Variants in TAOK2 observed in about 807,000 individuals in gnomAD.
The protein encoded by TAOK2 is serine/threonine-protein kinase TAO2.
A neutral mutation model predicts 122.5 loss-of-function variants in TAOK2; 42 were observed. The ratio of observed to expected loss-of-function variants is 0.34; its 90% CI spans 0.27 to 0.44. TAOK2 has a LOEUF of 0.44. Ranked by LOEUF, TAOK2 falls within the 20% of genes least tolerant of loss-of-function variation. The pLI, the probability that TAOK2 is intolerant of heterozygous loss-of-function variation, is 1.00. For missense variants in TAOK2, 1,264 were observed against 1,644.9 expected (o/e 0.77, Z 4.01); for synonymous variants, 704 against 677.6 (o/e 1.04, Z -0.61).
downstream of TAOK2, chr16:29,990,740 G>A (rs771591115): frequency 9.6e-6 from 15 of 1,556,296 alleles, no homozygotes; most frequent in Middle Eastern, 1.7e-4. Context: ...GGATAGTGGG[G>A]GTGGGGGAGG....
intron 10 of TAOK2, 62 bp downstream of exon 10, chr16:29,982,002 C>G: frequency 7.0e-7 from 1 of 1,426,650 alleles, no homozygotes; most frequent in Non-Finnish European, 9.7e-7. Context: ...ACAAGAACCC[C>G]CAGGGAAATT....
intron 13 of TAOK2, 25 bp downstream of exon 13, chr16:29,983,689 C>T: frequency 6.3e-7 from 1 of 1,587,110 alleles, no homozygotes; most frequent in Non-Finnish European, 8.6e-7. Context: ...CCTCACTCAG[C>T]CTGCTCGCTG....
In TAOK2 at chr16:29,986,006, C is replaced by T. The variant is rs2069778461; in HGVS notation, c.1992+145C>T. 3 of 1,142,020 alleles carry T rather than the reference C, an allele frequency of 2.6e-6. No individual in the cohort carries two copies. The highest frequency in any genetic ancestry group is 3.7e-6 in the Non-Finnish European group (3 of 811,582). 70.7% of individuals were successfully genotyped at this position (1,142,020 alleles called of 1,614,324 possible). On this transcript the variant is annotated intron_variant, in intron 15 of 15. Coordinates refer to ENST00000308893, the MANE Select transcript of TAOK2 (RefSeq NM_016151.4). This position sits in a 1 kb window ranked among gnomAD's most constrained non-coding sequence, Gnocchi z 4.2. ...TTGCTTCAGTGCCCCTTTTACTTCT[C>T]ATCCCCAACAGACCCTGCCAGAATT...
chr16:29,983,067 C>G lies in TAOK2; in HGVS notation c.1000-5C>G. ...CCTGTCCAGCAGCCTACGCCCTGTT[C>G]GCAGGAGGCCGAGCCCTACATGCAC... On this transcript the variant is annotated splice_region_variant and splice_polypyrimidine_tract_variant and intron_variant, in intron 11 of 15. Coordinates refer to ENST00000308893, the MANE Select transcript of TAOK2 (RefSeq NM_016151.4). 3.1e-6 allele frequency: 5 copies of G among 1,613,840 alleles called. No individual in the cohort carries two copies. The highest frequency in any genetic ancestry group is 4.2e-6 in the Non-Finnish European group (5 of 1,179,994).
intron 1 of TAOK2, among the ~76,000 whole-genome samples, chr16:29,977,141 A>G (rs574565902): frequency 8.3e-4 from 127 of 152,262 alleles, no homozygotes; most frequent in Non-Finnish European, 1.9e-4. Context: ...GCCAGATGCC[A>G]TTTATATCCC....
chr16:29,976,676 T>G (rs2069464963), intron 1 of TAOK2, among the ~76,000 whole-genome samples: 1 of 152,194 alleles, frequency 6.6e-6, no homozygotes, highest in Non-Finnish European at 1.5e-5. Context: ...TCCCAATGGC[T>G]GGAGTGGTCA....
chr16:29,984,165 G>A (rs1260110828), intron 13 of TAOK2, among the ~76,000 whole-genome samples: 3 of 152,192 alleles, frequency 2.0e-5, no homozygotes, highest in Non-Finnish European at 4.4e-5. Context: ...TCTCATGCCA[G>A]CAGTTAGCTC....
rs770293795 is a variant in TAOK2, at chr16:29,987,929, C to T, written c.3657C>T (p.Ala1219=). The T allele has an allele frequency of 4.5e-6, 7 of 1,546,950 alleles. No homozygotes were observed. Among genetic ancestry groups the T allele is most frequent in the Non-Finnish European group, 5.2e-6 (6 of 1,151,928 alleles). The change falls in exon 16 of 16, where the codon GCC becomes GCT. Residue 1219 remains alanine (A), a synonymous_variant. Coordinates refer to ENST00000308893, the MANE Select transcript of TAOK2 (RefSeq NM_016151.4). ...ASRQPLPGTL[A]GRRSRTRQSR... Reference sequence around the variant, plus strand: ...GCCAGCCACTGCCAGGGACTCTAGCCGGGCGGAGGTCACGCACCCGCCAGT... The same window carrying T: ...GCCAGCCACTGCCAGGGACTCTAGCTGGGCGGAGGTCACGCACCCGCCAGT...
At chr16:29,982,059 C>A in intron 10 of TAOK2, 119 bp downstream of exon 10, 2 of 794,248 alleles carry the variant, frequency 2.5e-6, no homozygotes, top group Non-Finnish European at 2.1e-6. Context: ...TGATGAATTC[C>A]CACCCCATCC....
At position 29,982,847 on chromosome 16, in the gene TAOK2, C is replaced by T. The variant is rs370365042; in HGVS notation, c.945C>T (p.Ile315=). 6.2e-7 allele frequency: 1 copy of T among 1,614,106 alleles called. No homozygotes were observed. ...DNLQYRKMKK[I]LFQEAPNGPG... ...TGCAGTACCGCAAGATGAAGAAGAT[C>T]CTGTTCCAAGAGGCACCCAACGGCC... The change falls in exon 11 of 16, where the codon ATC becomes ATT. Residue 315 remains isoleucine, a synonymous_variant. Transcript: ENST00000308893.
At position 29,987,621 on chromosome 16, in the gene TAOK2, A is replaced by T; in HGVS notation, c.3349A>T (p.Lys1117Ter). Residue 1117 changes from lysine to a stop codon, truncating the protein, a stop_gained, in exon 16 of 16, where the codon AAA becomes TAA. Transcript: ENST00000308893. LOFTEE classifies it high-confidence loss of function. ...GDRGLFALYP[K>*]TNKDGFRSRL... ...CCGGGGTCTGTTTGCACTGTACCCC[A>T]AAACCAACAAGGATGGCTTCCGCAG... The T allele has an allele frequency of 6.2e-7, 1 of 1,613,026 alleles. No homozygotes were observed. Among genetic ancestry groups the T allele is most frequent in the Non-Finnish European group, 8.5e-7 (1 of 1,179,322 alleles).
rs749733211 is a variant in TAOK2, at chr16:29,987,037, C to G, written c.2765C>G (p.Pro922Arg). 1 of 1,611,890 alleles carries G rather than the reference C, an allele frequency of 6.2e-7. No individual in the cohort carries two copies. The highest frequency in any genetic ancestry group is 1.3e-5 in the African/African-American group (1 of 74,884). The change falls in exon 16 of 16, where the codon CCT (proline) becomes CGT (arginine). Residue 922 changes from proline to arginine, a missense_variant. Pro to Arg is a moderately radical substitution (Grantham distance 103, BLOSUM62 -2). This residue lies in a region of TAOK2 where 824 missense variants were observed against 908.7 expected (regional missense o/e 0.91). Coordinates refer to ENST00000308893, the MANE Select transcript of TAOK2 (RefSeq NM_016151.4). ...GTPRDPGDGCPSPDIPPEPPP... is the reference protein window; with the variant it reads ...GTPRDPGDGCRSPDIPPEPPP... ...CCTAGGGATCCTGGAGATGGTTGTC[C>G]TTCCCCCGACATCCCTCCTGAACCC...
downstream of TAOK2, chr16:29,991,018 G>C: frequency 6.3e-7 from 1 of 1,582,484 alleles, no homozygotes; most frequent in Middle Eastern, 1.7e-4. The surrounding 1 kb of genome is among the most constrained non-coding windows in gnomAD (Gnocchi z 5.6). Flanking sequence ...TCCTGCCCCC[G>C]ACTCTAACCT....
chr16:29,991,268 G>A, downstream of TAOK2: 1 of 1,612,048 alleles, frequency 6.2e-7, no homozygotes, highest in South Asian at 1.1e-5. The surrounding 1 kb of genome is among the most constrained non-coding windows in gnomAD (Gnocchi z 5.6). Context: ...CCCGTTCTGG[G>A]GCACACTGGA....
downstream of TAOK2, chr16:29,991,485 G>T (rs1411820748): frequency 6.8e-7 from 1 of 1,480,866 alleles, no homozygotes; most frequent in East Asian, 2.5e-5. The surrounding 1 kb of genome is among the most constrained non-coding windows in gnomAD (Gnocchi z 5.6). Flanking sequence ...GGGCCCCCCT[G>T]CTGCCGCGGT....
At chr16:29,975,279 C>T (rs540153858) in intron 1 of TAOK2, among the ~76,000 whole-genome samples, 2 of 152,330 alleles carry the variant, frequency 1.3e-5, no homozygotes, top group African/African-American at 4.8e-5. Flanking sequence ...CATGTGACAT[C>T]CCCGCATTCA....
In TAOK2 at chr16:29,988,222, G is replaced by C; in HGVS notation, c.*242G>C. Reference sequence around the variant, plus strand: ...TTATTGCTGTTCGCCCGCTGTGTGTGCTCATCCTCACCCTCATTGACTCAG... The same window carrying C: ...TTATTGCTGTTCGCCCGCTGTGTGTCCTCATCCTCACCCTCATTGACTCAG... On this transcript the variant is annotated 3_prime_UTR_variant, in exon 16 of 16. Coordinates refer to ENST00000308893, the MANE Select transcript of TAOK2 (RefSeq NM_016151.4). The C allele has an allele frequency of 7.0e-7, 1 of 1,438,324 alleles. No individual in the cohort carries two copies. Among genetic ancestry groups the C allele is most frequent in the Non-Finnish European group, 9.1e-7 (1 of 1,101,980 alleles). 89.1% of individuals were successfully genotyped at this position (1,438,324 alleles called of 1,614,324 possible).
Position 29,986,175 on chromosome 16 carries a change from G to C in TAOK2, c.1993-90G>C. On this transcript the variant is annotated intron_variant, in intron 15 of 15. Transcript: ENST00000308893. The surrounding 1 kb of genome is among the most constrained non-coding windows in gnomAD (Gnocchi z 4.2). ...AGGCCCTGGGCCCTGTGTTTCTTCCGCCATCCCCAGCTCCCTCTGCCAAGG... is the reference window on the plus strand; with the variant it reads ...AGGCCCTGGGCCCTGTGTTTCTTCCCCCATCCCCAGCTCCCTCTGCCAAGG... 6.7e-7 allele frequency: 1 copy of C among 1,489,362 alleles called. No individual in the cohort carries two copies. 92.3% of individuals were successfully genotyped at this position (1,489,362 alleles called of 1,614,324 possible).
chr16:29,977,044 C>T (rs892889782), intron 1 of TAOK2, among the ~76,000 whole-genome samples: 1 of 152,180 alleles, frequency 6.6e-6, no homozygotes, highest in Non-Finnish European at 1.5e-5. Context: ...GTTATTTGTA[C>T]CCTGCAAATG....
Sources: gnomAD v4.1 joint callset for allele counts (sites outside exome capture counted in the v4.1 genomes callset) on GRCh38, gnomAD v4.1.1 for gene constraint, gnomAD v4.1.1 regional missense constraint, Gnocchi (gnomAD v3.1) non-coding constraint, MANE v1.5 for transcripts, NCBI Gene and HGNC (gene_info 2026-07-23, HGNC 2026-07-21) for gene names.